Variants in SPATA6 observed in about 807,000 individuals in gnomAD.
The protein encoded by SPATA6 is spermatogenesis-associated protein 6.
In SPATA6, 56 loss-of-function variants were observed where a neutral mutation model predicts 65.3. The ratio of observed to expected loss-of-function variants is 0.86; its 90% CI spans 0.69 to 1.07. The LOEUF (loss-of-function observed/expected upper bound fraction) is 1.07. Among genes scored for constraint, SPATA6 ranks in the 50% least tolerant of loss-of-function variants. SPATA6 has a pLI of 0.00. For missense variants in SPATA6, 590 were observed against 594.8 expected, an observed-to-expected ratio of 0.99 and a Z score of 0.08; for synonymous variants, 199 against 213.2, an observed-to-expected ratio of 0.93 and a Z score of 0.58.
chr1:48,339,704 T>C (rs1439130671), intron 11 of SPATA6, among the ~76,000 whole-genome samples: 1 of 152,002 alleles, frequency 6.6e-6, no homozygotes, highest in Non-Finnish European at 1.5e-5. Context: ...ATAAGGTTCA[T>C]AGTAAATATC....
rs1181095902 is a variant in SPATA6 at position 48,313,106 on chromosome 1, T to C, written c.1195-7228A>G. On this transcript the variant is annotated intron_variant, in intron 11 of 12. Transcript: ENST00000371847. ...AAGTGACGGGGAGAATGGAACCAAG[T>C]TGGAAAACACTCCACAGGATATTTT... Among the ~76,000 whole-genome samples the C allele has an allele frequency of 3.9e-5, 6 of 152,192 alleles. No individual in the cohort carries two copies. In the South Asian group the frequency reaches 8.3e-4, roughly 21 times the overall value.
intron 7 of SPATA6, among the ~76,000 whole-genome samples, chr1:48,398,327 G>C (rs915826829): frequency 1.3e-5 from 2 of 151,524 alleles, no homozygotes; most frequent in African/African-American, 4.8e-5. Context: ...AATACAGGTG[G>C]AATGAAATGT....
intron 3 of SPATA6, among the ~76,000 whole-genome samples, chr1:48,435,306 G>A (rs554743670): frequency 2.0e-3 from 307 of 151,920 alleles, no homozygotes; most frequent in African/African-American, 7.0e-3. Flanking sequence ...CTGTAAAAAC[G>A]CACCAATCAG....
intron 11 of SPATA6, among the ~76,000 whole-genome samples, chr1:48,315,402 A>T (rs137907887): frequency 0.024 from 3,605 of 152,288 alleles, 39 homozygotes; most frequent in South Asian, 0.059. Context: ...AAATCAATAA[A>T]CATAATCCAA....
At chr1:48,418,046 AG>A (rs1396101992) in intron 3 of SPATA6, among the ~76,000 whole-genome samples, 1 of 152,110 alleles carries the variant, frequency 6.6e-6, no homozygotes, top group Non-Finnish European at 1.5e-5. Context: ...TTTTAAACAA[AG>A]GGTCTGTATT....
intron 11 of SPATA6, among the ~76,000 whole-genome samples, chr1:48,314,036 T>C (rs138588782): frequency 0.025 from 3,739 of 152,200 alleles, 99 homozygotes; most frequent in African/African-American, 0.067. Context: ...TCAAGATTCA[T>C]AAAGCAAGTC....
intron 9 of SPATA6, among the ~76,000 whole-genome samples, chr1:48,371,737 C>T (rs1000749887): frequency 1.3e-5 from 2 of 152,130 alleles, no homozygotes; most frequent in African/African-American, 4.8e-5. Flanking sequence ...GATAAAGACA[C>T]ACACGAGACT....
intron 11 of SPATA6, among the ~76,000 whole-genome samples, chr1:48,316,564 A>G (rs1175105424): frequency 1.3e-5 from 2 of 152,314 alleles, no homozygotes; most frequent in East Asian, 1.9e-4. Flanking sequence ...TGTTAGACCT[A>G]AAACCATAAA....
rs572825285 is a variant in SPATA6, at chr1:48,419,907, G to A, written c.239-6756C>T. 5.3e-5 allele frequency among the ~76,000 whole-genome samples: 8 copies of A among 152,304 alleles called. No homozygotes were observed. The East Asian group carries it at 1.2e-3, about 22-fold the overall frequency. On this transcript the variant is annotated intron_variant, in intron 3 of 12. Transcript: ENST00000371847. ...ATGATGGTACTGATTTGAAGGTCAT[G>A]AGAATCTATCCATCTGATACTATGA...
chr1:48,414,052 G>A (rs1652527849), intron 3 of SPATA6, among the ~76,000 whole-genome samples: 2 of 152,132 alleles, frequency 1.3e-5, no homozygotes, highest in Non-Finnish European at 2.9e-5. Flanking sequence ...TTCTTGTAAT[G>A]TCATGAGTTT....
intron 3 of SPATA6, among the ~76,000 whole-genome samples, chr1:48,423,893 A>G (rs928428820): frequency 2.0e-5 from 3 of 152,152 alleles, no homozygotes; most frequent in Admixed American, 6.5e-5. Context: ...GTACATGTAT[A>G]TATTTATGGG....
intron 11 of SPATA6, among the ~76,000 whole-genome samples, chr1:48,312,745 C>G (rs769583706): frequency 6.6e-6 from 1 of 152,134 alleles, no homozygotes; most frequent in African/African-American, 2.4e-5. Flanking sequence ...GATCAAACGA[C>G]TCCAAGCTAA....
intron 3 of SPATA6, among the ~76,000 whole-genome samples, chr1:48,435,695 C>T (rs376126481): frequency 2.0e-4 from 31 of 152,314 alleles, no homozygotes; most frequent in Admixed American, 2.6e-4. Context: ...TCTGTAAAAA[C>T]GCACCGAGAG....
intron 3 of SPATA6, among the ~76,000 whole-genome samples, chr1:48,418,785 AAGGGAAGGAAGGAAGGAGGGAAGG>A (rs1653040842): frequency 9.4e-6 from 1 of 106,196 alleles, no homozygotes; most frequent in Non-Finnish European, 2.2e-5. Flanking sequence ...AGGAAGGAAG[AAGGGAAGGAAGGAAGGAGGGAAGG>A]AGGGAAGGAG....
chr1:48,320,593 C>A lies in SPATA6; in HGVS notation c.1195-14715G>T, dbSNP rs116116385. On this transcript the variant is annotated intron_variant, in intron 11 of 12. Coordinates refer to ENST00000371847, the MANE Select transcript of SPATA6 (RefSeq NM_019073.4). The stretch of plus-strand genomic sequence containing the variant: ...GCTGAGGGACTTCGTCAACAGCAGA[C>A]CTGTCCTATGAGAAATGCAAAAGGA... Among the ~76,000 whole-genome samples, 1,495 of 152,254 alleles carry A rather than the reference C, an allele frequency of 9.8e-3. 12 individuals carry two copies. Among genetic ancestry groups the A allele is most frequent in the Admixed American group, 0.015 (231 of 15,298 alleles).
intron 11 of SPATA6, among the ~76,000 whole-genome samples, chr1:48,322,794 T>A (rs1367553548): frequency 1.3e-5 from 2 of 152,220 alleles, no homozygotes; most frequent in South Asian, 2.1e-4. Context: ...AGAAGACATT[T>A]ATGCAGCCAA....
rs1198869760 is a variant in SPATA6 at position 48,296,938 on chromosome 1, C to A, written c.*1775G>T. 3 of 152,040 alleles carry A rather than the reference C, an allele frequency of 2.0e-5. No homozygotes were observed. The highest frequency in any genetic ancestry group is 7.2e-5 in the African/African-American group (3 of 41,408). The allele number at this position is 152,040 out of a possible 1,614,324, so 9.4% of individuals were successfully genotyped here. ...GAACATCAATTACATGCCAGGCTGT[C>A]TACTAGATGCAGAGTAAGACAGATT... On this transcript the variant is annotated 3_prime_UTR_variant, in exon 13 of 13. Transcript: ENST00000371847.
chr1:48,354,341 C>T (rs1348292261), intron 11 of SPATA6, among the ~76,000 whole-genome samples: 1 of 152,070 alleles, frequency 6.6e-6, no homozygotes. Flanking sequence ...ATAGCATCTA[C>T]TAAAGCTGAG....
chr1:48,272,012 A>T, the SPATA6 span, among the ~76,000 whole-genome samples: 1 of 152,164 alleles, frequency 6.6e-6, no homozygotes, highest in Non-Finnish European at 1.5e-5. Flanking sequence ...CTACAAATAT[A>T]GCAAAATGCA....
Sources: gnomAD v4.1 joint callset for allele counts (sites outside exome capture counted in the v4.1 genomes callset) on GRCh38, gnomAD v4.1.1 for gene constraint, MANE v1.5 for transcripts, NCBI Gene and HGNC (gene_info 2026-07-23, HGNC 2026-07-21) for gene names.